SLC17A5: variants seen among roughly 807,000 people sequenced by gnomAD.
SLC17A5 encodes the protein sialin.
In SLC17A5, 47 loss-of-function variants were observed where a neutral mutation model predicts 59.4. That is an observed-to-expected ratio of 0.79 (90% confidence interval 0.63 to 1.01). SLC17A5 has a LOEUF of 1.01. Among genes scored for constraint, SLC17A5 ranks in the 50% least tolerant of loss-of-function variants. SLC17A5 has a pLI of 0.00. For synonymous variants in SLC17A5, 202 were observed against 210.7 expected (o/e 0.96, Z 0.36); for missense variants, 522 against 595.5 (o/e 0.88, Z 1.28).
At chr6:73,640,729 T>C (rs1769235941) in intron 3 of SLC17A5, among the ~76,000 whole-genome samples, 2 of 151,972 alleles carry the variant, frequency 1.3e-5, no homozygotes, top group Admixed American at 6.6e-5. Context: ...AATTATTAAG[T>C]ATGGGGGTAC....
chr6:73,653,073 T>C, intron 1 of SLC17A5: 4 of 985,490 alleles, frequency 4.1e-6, no homozygotes, highest in Non-Finnish European at 4.8e-6. Context: ...TCCATAGGTA[T>C]CTTGAGGATA....
intron 6 of SLC17A5, among the ~76,000 whole-genome samples, chr6:73,630,139 C>T (rs913633214): frequency 3.9e-5 from 6 of 151,934 alleles, no homozygotes; most frequent in Non-Finnish European, 7.4e-5. Context: ...ACTACAGGCA[C>T]ACGCTACGAC....
intron 9 of SLC17A5, among the ~76,000 whole-genome samples, chr6:73,601,020 GGA>G (rs1767040869): frequency 6.8e-6 from 1 of 146,026 alleles, no homozygotes; most frequent in Non-Finnish European, 1.5e-5. Flanking sequence ...TGGGAAGTGA[GGA>G]GACCCTCTGC....
intron 8 of SLC17A5, among the ~76,000 whole-genome samples, chr6:73,613,072 A>G (rs1767703262): frequency 6.6e-6 from 1 of 152,228 alleles, no homozygotes; most frequent in East Asian, 1.9e-4. Context: ...TTCTGAAAGC[A>G]GAGTCTGAAA....
At chr6:73,649,586 C>T (rs1769749793) in intron 1 of SLC17A5, among the ~76,000 whole-genome samples, 3 of 152,164 alleles carry the variant, frequency 2.0e-5, no homozygotes, top group African/African-American at 7.2e-5. Context: ...GCCTGGGCAA[C>T]AGAATAAGAC....
intron 8 of SLC17A5, 135 bp from the exon 9 acceptor site, chr6:73,610,682 A>T: frequency 1.1e-6 from 1 of 869,992 alleles, no homozygotes; most frequent in Non-Finnish European, 1.7e-6. Context: ...AGACTAACAA[A>T]TTTCATGAGA....
At chr6:73,640,236 C>T (rs943956834) in intron 3 of SLC17A5, among the ~76,000 whole-genome samples, 4 of 152,078 alleles carry the variant, frequency 2.6e-5, no homozygotes, top group South Asian at 2.1e-4. Context: ...TTTACTTTGT[C>T]AAGAAGAACA....
chr6:73,644,702 G>T, intron 1 of SLC17A5, 99 bp from the exon 2 acceptor site: 1 of 1,160,366 alleles, frequency 8.6e-7, no homozygotes, highest in Non-Finnish European at 1.2e-6. Flanking sequence ...GAACTCCTGG[G>T]CTCAAGCCAT....
chr6:73,605,630 A>AACAC (rs3045763), intron 9 of SLC17A5, among the ~76,000 whole-genome samples: 15,077 of 145,834 alleles, frequency 0.1, 1,217 homozygotes, highest in African/African-American at 0.22. Context: ...GCAAGGTTTA[A>AACAC]ACACACACAC....
At chr6:73,640,971 T>C (rs921204457) in intron 3 of SLC17A5, among the ~76,000 whole-genome samples, 1 of 152,142 alleles carries the variant, frequency 6.6e-6, no homozygotes, top group Non-Finnish European at 1.5e-5. Context: ...AAAAAGAAAT[T>C]AAATGCAACT....
intron 9 of SLC17A5, 67 bp from the exon 10 acceptor site, chr6:73,600,508 C>CTTTT (rs11349241): frequency 1.0e-5 from 8 of 793,528 alleles, no homozygotes; most frequent in South Asian, 1.6e-5. Flanking sequence ...TTCTTTCCTT[C>CTTTT]TTTTTTTTTT....
At chr6:73,630,590 G>A (rs1768654990) in intron 6 of SLC17A5, among the ~76,000 whole-genome samples, 1 of 152,118 alleles carries the variant, frequency 6.6e-6, no homozygotes, top group Non-Finnish European at 1.5e-5. Flanking sequence ...TCCTTAGGGA[G>A]GCACAGAGGA....
intron 10 of SLC17A5, among the ~76,000 whole-genome samples, chr6:73,596,559 T>C (rs12191213): frequency 0.057 from 8,632 of 152,228 alleles, 447 homozygotes; most frequent in Admixed American, 0.17. Flanking sequence ...TTTGCAGCAT[T>C]AACTAAGAAA....
intron 7 of SLC17A5, chr6:73,618,577 T>C: frequency 1.9e-6 from 1 of 520,586 alleles, no homozygotes; most frequent in African/African-American, 2.0e-5. Flanking sequence ...AGGATGTTCC[T>C]TCAGGAGGAA....
At chr6:73,645,078 T>C (rs568733173) in intron 1 of SLC17A5, among the ~76,000 whole-genome samples, 2 of 152,294 alleles carry the variant, frequency 1.3e-5, no homozygotes, top group African/African-American at 4.8e-5. Context: ...GGCAAAGATA[T>C]ACGGCATGAG....
At chr6:73,639,687 C>T (rs1202594736) in intron 3 of SLC17A5, among the ~76,000 whole-genome samples, 1 of 152,106 alleles carries the variant, frequency 6.6e-6, no homozygotes, top group African/African-American at 2.4e-5. Context: ...GGAAATGCAC[C>T]TGTGATACAT....
At chr6:73,607,061 T>C (rs1172427639) in intron 9 of SLC17A5, among the ~76,000 whole-genome samples, 3 of 152,208 alleles carry the variant, frequency 2.0e-5, no homozygotes, top group Non-Finnish European at 4.4e-5. Flanking sequence ...TTTAATATTT[T>C]ACTTGGATTG....
At chr6:73,617,309 C>CA (rs1480410410) in intron 7 of SLC17A5, among the ~76,000 whole-genome samples, 18 of 148,660 alleles carry the variant, frequency 1.2e-4, no homozygotes, top group South Asian at 2.1e-4. Flanking sequence ...AGAAAAAAAA[C>CA]AAAAAAAAGA....
chr6:73,635,554 C>T, intron 5 of SLC17A5, 54 bp from the exon 6 acceptor site: 1 of 855,938 alleles, frequency 1.2e-6, no homozygotes, highest in Non-Finnish European at 1.8e-6. Context: ...AAATAACAAA[C>T]AAAACAAAAC....
Sources: gnomAD v4.1 joint callset for allele counts (sites outside exome capture counted in the v4.1 genomes callset) on GRCh38, gnomAD v4.1.1 for gene constraint, MANE v1.5 for transcripts, NCBI Gene and HGNC (gene_info 2026-07-23, HGNC 2026-07-21) for gene names.